Variants in TRIOBP observed in about 807,000 individuals in gnomAD.
The protein encoded by TRIOBP is TRIO and F-actin binding protein, also known as TRIO and F-actin-binding protein.
In TRIOBP, 169 loss-of-function variants were observed where a neutral mutation model predicts 238.8. The observed-to-expected ratio is 0.71, with a 90% CI of 0.62 to 0.80. The LOEUF is 0.80. TRIOBP is among the 30% of genes least tolerant of loss of function. The pLI is 0.00. For synonymous variants in TRIOBP, 1,150 were observed against 1,274.4 expected, an observed-to-expected ratio of 0.90 and a Z score of 2.08; for missense variants, 2,838 against 3,122.6, an observed-to-expected ratio of 0.91 and a Z score of 2.17.
At chr22:37,754,555 C>G (rs1404951207) in intron 12 of TRIOBP, among the ~76,000 whole-genome samples, 1 of 152,084 alleles carries the variant, frequency 6.6e-6, no homozygotes, top group Non-Finnish European at 1.5e-5. Flanking sequence ...AAAGACGTAA[C>G]GTCCTGGCCC....
chr22:37,759,041 C>A, intron 16 of TRIOBP, 113 bp from the exon 17 acceptor site: 1 of 894,702 alleles, frequency 1.1e-6, no homozygotes, highest in Non-Finnish European at 1.8e-6. Flanking sequence ...CTAAGCCTTC[C>A]AGGGACGCTG....
intron 9 of TRIOBP, among the ~76,000 whole-genome samples, chr22:37,736,136 C>T (rs1022929070): frequency 2.0e-5 from 3 of 152,224 alleles, no homozygotes; most frequent in Admixed American, 6.5e-5. Flanking sequence ...GGTGCTCGCC[C>T]TTCCCCTGCT....
intron 9 of TRIOBP, among the ~76,000 whole-genome samples, chr22:37,738,385 G>C (rs1259106445): frequency 6.6e-6 from 1 of 151,948 alleles, no homozygotes. Context: ...GGGATATGTA[G>C]GTATTGGGTA....
rs747437863 is a variant in TRIOBP at position 37,713,383 on chromosome 22, C to T, written c.428C>T (p.Pro143Leu). The change falls in exon 5 of 24, where the codon CCT (proline) becomes CTT (leucine). Residue 143 changes from proline to leucine, a missense_variant. This residue lies in a region of TRIOBP where 535 missense variants were observed against 537.3 expected (regional missense o/e 1.00). Transcript: ENST00000644935. ...ACCTCCAGCCCTGACTCCGCCACCC[C>T]TGATGATACCAGCAACTCGTCCTCT... is the stretch of plus-strand genomic sequence containing the variant. Reference protein sequence around the residue: ...DPTSSPDSATPDDTSNSSSVD... With the variant: ...DPTSSPDSATLDDTSNSSSVD... 2 of 1,613,772 alleles carry T rather than the reference C, an allele frequency of 1.2e-6. No homozygotes were observed. Among genetic ancestry groups the T allele is most frequent in the East Asian group, 2.2e-5 (1 of 44,888 alleles).
intron 6 of TRIOBP, among the ~76,000 whole-genome samples, chr22:37,717,037 T>C: frequency 6.6e-6 from 1 of 152,166 alleles, no homozygotes; most frequent in East Asian, 1.9e-4. Context: ...CCTCGCGATA[T>C]TACAGTTCTT....
intron 10 of TRIOBP, among the ~76,000 whole-genome samples, chr22:37,739,357 CT>C (rs1924830182): frequency 6.6e-6 from 1 of 152,130 alleles, no homozygotes; most frequent in Non-Finnish European, 1.5e-5. Flanking sequence ...CTGTTTGGGG[CT>C]GTGTTTTCCG....
chr22:37,775,526 C>G lies in TRIOBP; in HGVS notation c.*1746C>G, dbSNP rs1926985100. 6.6e-6 allele frequency: 1 copy of G among 152,146 alleles called. No homozygotes were observed. Among genetic ancestry groups the G allele is most frequent in the Non-Finnish European group, 1.5e-5 (1 of 68,060 alleles). The allele number at this position is 152,146 out of a possible 1,614,324, so 9.4% of individuals were successfully genotyped here. A position where few individuals can be genotyped will look rare whatever the true frequency, so the allele number is the denominator to read the frequency against. ...AGAGGCCGGGCGCGGTGGCTCTTGC[C>G]TATTATCCTAGCACTTTGGGAGGCC... On this transcript the variant is annotated 3_prime_UTR_variant, in exon 24 of 24. Coordinates refer to ENST00000644935, the MANE Select transcript of TRIOBP (RefSeq NM_001039141.3).
chr22:37,703,211 G>A (rs1199649620), intron 3 of TRIOBP, among the ~76,000 whole-genome samples: 1 of 151,820 alleles, frequency 6.6e-6, no homozygotes, highest in Non-Finnish European at 1.5e-5. Flanking sequence ...GGTCAGTCTG[G>A]TCTCGAACTC....
chr22:37,719,998 C>CA (rs1405222345), intron 6 of TRIOBP, among the ~76,000 whole-genome samples: 440 of 13,874 alleles, frequency 0.032, 55 homozygotes, highest in African/African-American at 0.08. Context: ...TCCCCCCCCG[C>CA]CCTTTTTTTT....
At position 37,776,050 on chromosome 22, in the gene TRIOBP, C is replaced by G. The variant is rs1251612566; in HGVS notation, c.*2270C>G. The G allele has an allele frequency of 6.6e-6, 1 of 152,328 alleles. No individual in the cohort carries two copies. Among genetic ancestry groups the G allele is most frequent in the East Asian group, 1.9e-4 (1 of 5,194 alleles). The allele number at this position is 152,328 out of a possible 1,614,324, so 9.4% of individuals were successfully genotyped here. A position where few individuals can be genotyped will look rare whatever the true frequency, so the allele number is the denominator to read the frequency against. On this transcript the variant is annotated 3_prime_UTR_variant, in exon 24 of 24. Coordinates refer to ENST00000644935, the MANE Select transcript of TRIOBP (RefSeq NM_001039141.3). ...ATCCCACCGTCCCCCCAAGACAGCT[C>G]TCCATCCCATCCTCTGCCTCCCTTC...
chr22:37,759,996 A>AT (rs1313583233), intron 17 of TRIOBP: 24 of 191,878 alleles, frequency 1.3e-4, no homozygotes, highest in Admixed American at 5.4e-4. Context: ...GCTTTCAGTG[A>AT]TTTTTTCCAT....
chr22:37,771,998 A>G (rs576320581), intron 22 of TRIOBP: 3 of 543,924 alleles, frequency 5.5e-6, no homozygotes, highest in East Asian at 7.7e-5. Context: ...TTGAGCACCT[A>G]CTATATCCTG....
In TRIOBP at chr22:37,754,891, G is replaced by T. The variant is rs772362872; in HGVS notation, c.5394G>T (p.Ser1798=). 1 of 1,613,864 alleles carries T rather than the reference G, an allele frequency of 6.2e-7. No homozygotes were observed. Among genetic ancestry groups the T allele is most frequent in the Non-Finnish European group, 8.5e-7 (1 of 1,179,974 alleles). Residue 1798 remains serine, a synonymous_variant, in exon 13 of 24, where the codon TCG becomes TCT. Coordinates refer to ENST00000644935, the MANE Select transcript of TRIOBP (RefSeq NM_001039141.3). ...CCTCCTTGCAGCCTCCCTCCCCCTC[G>T]CTCACCACCACCTCTACTTCGCAGT... ...LDEPGEPPSP[S]LTTTSTSQWK...
chr22:37,767,268 A>G (rs1223316718), intron 18 of TRIOBP, among the ~76,000 whole-genome samples: 1 of 135,442 alleles, frequency 7.4e-6, no homozygotes, highest in Admixed American at 7.4e-5. Context: ...ACAGAGTGAG[A>G]CTCCGTCTCC....
rs1015745269 is a variant in TRIOBP, at chr22:37,703,406, C to T, written c.114+1927C>T. Among the ~76,000 whole-genome samples the T allele has an allele frequency of 2.0e-5, 3 of 152,148 alleles. 1 individual carries two copies. The highest frequency in any genetic ancestry group is 6.8e-3 in the Middle Eastern group (2 of 294). On this transcript the variant is annotated intron_variant, in intron 3 of 23. Coordinates refer to ENST00000644935, the MANE Select transcript of TRIOBP (RefSeq NM_001039141.3). ...GCATGTAAACACAGAGCACCTGATA[C>T]ACACGCAATGAGAAACCTGGGACTC...
At chr22:37,719,538 G>A (rs1257100728) in intron 6 of TRIOBP, among the ~76,000 whole-genome samples, 4 of 152,148 alleles carry the variant, frequency 2.6e-5, no homozygotes, top group Admixed American at 1.3e-4. Context: ...CTCAGCAGAC[G>A]TTTACTTACT....
intron 12 of TRIOBP, 115 bp from the exon 13 acceptor site, chr22:37,754,762 A>T (rs1925820091): frequency 9.9e-7 from 1 of 1,012,176 alleles, no homozygotes; most frequent in South Asian, 1.3e-5. Context: ...CCAGGTCTCA[A>T]ATTGGCATTT....
chr22:37,759,512 C>T (rs1569059312), intron 17 of TRIOBP: 1 of 1,608,544 alleles, frequency 6.2e-7, no homozygotes, highest in Admixed American at 1.7e-5. Context: ...CTGCAGGTCT[C>T]AAAGGTGGGA....
Position 37,746,067 on chromosome 22 carries a change from G to GT in TRIOBP, c.5322+5035_5322+5036insT, listed in dbSNP as rs1238779565. On this transcript the variant is annotated intron_variant, in intron 11 of 23. Coordinates refer to ENST00000644935, the MANE Select transcript of TRIOBP (RefSeq NM_001039141.3). ...CACCCCGCCGTCCCGCCGTCCCGCC[G>GT]CCCCGCCGCCCTAGCGCGCCCGTCC... Among the ~76,000 whole-genome samples the GT allele has an allele frequency of 0.012, 1,561 of 130,486 alleles. 14 individuals are homozygous for GT. Among genetic ancestry groups the GT allele is most frequent in the Middle Eastern group, 0.026 (7 of 270 alleles). The allele number at this position is 130,486 out of a possible 152,430, so 85.6% of individuals were successfully genotyped here. A position where few individuals can be genotyped will look rare whatever the true frequency, so the allele number is the denominator to read the frequency against.
Sources: gnomAD v4.1 joint callset for allele counts (sites outside exome capture counted in the v4.1 genomes callset) on GRCh38, gnomAD v4.1.1 for gene constraint, gnomAD v4.1.1 regional missense constraint, MANE v1.5 for transcripts, NCBI Gene and HGNC (gene_info 2026-07-23, HGNC 2026-07-21) for gene names.